Variants in PTPRT observed in about 807,000 individuals in gnomAD.
The protein encoded by PTPRT is receptor-type tyrosine-protein phosphatase T.
PTPRT carries 56 observed loss-of-function variants against 176.8 expected under a neutral mutation model. The ratio of observed to expected loss-of-function variants is 0.32; its 90% confidence interval spans 0.26 to 0.40. The LOEUF is 0.40. Ranked by LOEUF, PTPRT falls within the 10% of genes least tolerant of loss-of-function variation. PTPRT has a pLI of 1.00. For synonymous variants in PTPRT, 783 were observed against 739.0 expected, an observed-to-expected ratio of 1.06 and a Z score of -0.96; for missense variants, 1,540 against 1,908.2, an observed-to-expected ratio of 0.81 and a Z score of 3.60.
At chr20:42,867,720 C>T (rs1418007745) in intron 2 of PTPRT, among the ~76,000 whole-genome samples, 25 of 131,262 alleles carry the variant, frequency 1.9e-4, no homozygotes, top group Admixed American at 5.1e-4. Context: ...GTCACTCTGT[C>T]ACCCAGGCTG....
intron 2 of PTPRT, among the ~76,000 whole-genome samples, chr20:42,873,907 C>T (rs576743126): frequency 5.7e-4 from 87 of 152,182 alleles, no homozygotes; most frequent in Non-Finnish European, 9.8e-4. Flanking sequence ...TTATACTAAA[C>T]TATTTCCTTT....
intron 12 of PTPRT, among the ~76,000 whole-genome samples, chr20:42,311,205 C>G (rs2057622828): frequency 6.6e-6 from 1 of 152,156 alleles, no homozygotes; most frequent in South Asian, 2.1e-4. Context: ...CTGCTGCATT[C>G]TCAGCACTCA....
At chr20:43,137,436 C>A (rs891451170) in intron 1 of PTPRT, among the ~76,000 whole-genome samples, 1 of 152,232 alleles carries the variant, frequency 6.6e-6, no homozygotes, top group Non-Finnish European at 1.5e-5. Context: ...AGTTGTGACA[C>A]AGGCCATACG....
rs1362781574 is a variant in PTPRT at position 42,618,097 on chromosome 20, A to G, written c.1153+59769T>C. On this transcript the variant is annotated intron_variant, in intron 7 of 30. Transcript: ENST00000373187. Reference sequence around the variant, plus strand: ...CATTTAGTGCTAGAAATTTCCCTCTACACACTGCTTTGAATGCGTCCCAGA... The same window carrying G: ...CATTTAGTGCTAGAAATTTCCCTCTGCACACTGCTTTGAATGCGTCCCAGA... Among the ~76,000 whole-genome samples, 6 of 134,188 alleles carry G rather than the reference A, an allele frequency of 4.5e-5. 1 individual carries two copies. The South Asian group carries it at 7.1e-4, about 16-fold the overall frequency. 88.0% of individuals were successfully genotyped at this position (134,188 alleles called of 152,430 possible). A position where few individuals can be genotyped will look rare whatever the true frequency, so the allele number is the denominator to read the frequency against.
intron 6 of PTPRT, among the ~76,000 whole-genome samples, chr20:42,699,124 C>A (rs972993955): frequency 1.3e-5 from 2 of 152,152 alleles, no homozygotes; most frequent in African/African-American, 4.8e-5. Flanking sequence ...GGGACCAGTG[C>A]ATTACCTCTT....
chr20:42,347,193 G>C (rs2058206892), intron 11 of PTPRT, among the ~76,000 whole-genome samples: 1 of 152,280 alleles, frequency 6.6e-6, no homozygotes, highest in East Asian at 1.9e-4. Flanking sequence ...GGTAGGTGAG[G>C]ATCAGATAAT....
chr20:42,808,612 G>A (rs184479776), intron 2 of PTPRT, among the ~76,000 whole-genome samples: 49 of 152,078 alleles, frequency 3.2e-4, no homozygotes, highest in African/African-American at 1.0e-3. Context: ...GAAATGGGAC[G>A]TAATAAAATA....
chr20:42,733,655 A>C lies in PTPRT; in HGVS notation c.859+22807T>G, dbSNP rs1421016026. On this transcript the variant is annotated intron_variant, in intron 6 of 30. Transcript: ENST00000373187. ...ACTCTCCCTTCAGTTACTTCCTTGC[A>C]ATCAATATGCTGCTTTTGCAGTTGC... 3.9e-5 allele frequency among the ~76,000 whole-genome samples: 6 copies of C among 152,214 alleles called. No homozygotes were observed. In the East Asian group the frequency reaches 1.2e-3, roughly 29 times the overall value.
At chr20:42,714,206 G>A (rs530213629) in intron 6 of PTPRT, among the ~76,000 whole-genome samples, 5 of 152,244 alleles carry the variant, frequency 3.3e-5, no homozygotes, top group African/African-American at 7.2e-5. Flanking sequence ...CCAGCTTTAT[G>A]TTTCTGGGGT....
At chr20:42,795,893 A>G (rs2077446991) in intron 2 of PTPRT, among the ~76,000 whole-genome samples, 1 of 152,242 alleles carries the variant, frequency 6.6e-6, no homozygotes, top group Non-Finnish European at 1.5e-5. Flanking sequence ...ACGGTACTTA[A>G]TAAATGCTAA....
chr20:42,514,151 T>C (rs1422625816), intron 7 of PTPRT, among the ~76,000 whole-genome samples: 1 of 152,208 alleles, frequency 6.6e-6, no homozygotes, highest in Non-Finnish European at 1.5e-5. Context: ...TCCTCCAGGA[T>C]GGAATGGCTA....
At chr20:43,073,510 G>A (rs1048474779) in intron 1 of PTPRT, among the ~76,000 whole-genome samples, 19 of 150,510 alleles carry the variant, frequency 1.3e-4, no homozygotes, top group Middle Eastern at 3.5e-3. Context: ...CTATACACAC[G>A]TGTGTATATA....
chr20:42,233,698 GGC>G, intron 15 of PTPRT, among the ~76,000 whole-genome samples: 1 of 152,158 alleles, frequency 6.6e-6, no homozygotes, highest in Non-Finnish European at 1.5e-5. Flanking sequence ...CTGTATAGAA[GGC>G]AGGCTATTTG....
At chr20:43,036,570 C>CA (rs5841486) in intron 1 of PTPRT, among the ~76,000 whole-genome samples, 15 of 150,910 alleles carry the variant, frequency 9.9e-5, no homozygotes, top group African/African-American at 2.2e-4. Flanking sequence ...TAAGAATTTA[C>CA]AAAAAAAAAC....
intron 11 of PTPRT, among the ~76,000 whole-genome samples, chr20:42,341,837 C>T (rs947879137): frequency 2.6e-5 from 4 of 152,184 alleles, no homozygotes; most frequent in Admixed American, 1.3e-4. Flanking sequence ...CAAAATAGAA[C>T]ACTCTTTCGA....
chr20:42,128,993 G>A (rs1269142992), intron 18 of PTPRT, among the ~76,000 whole-genome samples, 163 bp from the exon 19 acceptor site: 1 of 152,164 alleles, frequency 6.6e-6, no homozygotes, highest in Non-Finnish European at 1.5e-5. Flanking sequence ...TTATAGATGA[G>A]GAAGTGGAGG....
At chr20:42,267,089 A>G (rs181648853) in intron 13 of PTPRT, among the ~76,000 whole-genome samples, 2 of 152,350 alleles carry the variant, frequency 1.3e-5, no homozygotes, top group Non-Finnish European at 2.9e-5. Flanking sequence ...TGACTTTACA[A>G]TGCTGCTGAG....
chr20:42,732,819 A>C (rs1223560787), intron 6 of PTPRT, among the ~76,000 whole-genome samples: 3 of 152,154 alleles, frequency 2.0e-5, no homozygotes, highest in Admixed American at 6.5e-5. Flanking sequence ...AAGAAGGAAA[A>C]ATGTACTGAT....
At chr20:42,458,160 T>C (rs1240848775) in intron 8 of PTPRT, among the ~76,000 whole-genome samples, 1 of 152,206 alleles carries the variant, frequency 6.6e-6, no homozygotes, top group East Asian at 1.9e-4. Flanking sequence ...ATTAATTCTT[T>C]CAGGAGCAGC....
Sources: allele counts gnomAD v4.1 joint callset (sites outside exome capture counted in the v4.1 genomes callset), GRCh38; gene constraint gnomAD v4.1.1; transcripts MANE v1.5; gene names NCBI Gene and HGNC (gene_info 2026-07-23, HGNC 2026-07-21).